TOR1A: variants seen among roughly 807,000 people sequenced by gnomAD.
The protein encoded by TOR1A is torsin family 1 member A, also known as torsin-1A.
Under a neutral mutation model 31.4 loss-of-function variants are expected in TOR1A, and 18 were observed. The ratio of observed to expected loss-of-function variants is 0.57; its 90% CI spans 0.40 to 0.85. The LOEUF (loss-of-function observed/expected upper bound fraction) is 0.85, where lower values mean the gene tolerates loss of function less well. Ranked by LOEUF, TOR1A falls within the 40% of genes least tolerant of loss-of-function variation. The pLI is 0.00. For synonymous variants in TOR1A, 168 were observed against 165.9 expected (o/e 1.01, Z -0.10); for missense variants, 375 against 416.4 (o/e 0.90, Z 0.87).
chr9:129,824,015 A>T lies in TOR1A; in HGVS notation c.71T>A (p.Ile24Asn). The T allele has an allele frequency of 6.2e-7, 1 of 1,610,088 alleles. No individual in the cohort carries two copies. The highest frequency in any genetic ancestry group is 8.5e-7 in the Non-Finnish European group (1 of 1,179,178). Residue 24 changes from isoleucine to asparagine, a missense_variant, in exon 1 of 5, where the codon ATC becomes AAC. Physicochemically the swap from Ile to Asn is moderately radical, Grantham distance 149. Coordinates refer to ENST00000351698, the MANE Select transcript of TOR1A (RefSeq NM_000113.3). ...APSVVQAVEP[I>N]SLGLALAGVL... The stretch of plus-strand genomic sequence containing the variant: ...GCCGGCCAGGGCCAGTCCCAGGCTG[A>T]TGGGCTCCACCGCCTGCACCACGGA...
At chr9:129,822,274 G>A (rs1036517185) in intron 2 of TOR1A, 1 of 399,348 alleles carries the variant, frequency 2.5e-6, no homozygotes, top group Non-Finnish European at 4.7e-6. Flanking sequence ...TCAAAATAAA[G>A]AAAAAAATAA....
At chr9:129,822,500 G>C in intron 2 of TOR1A, 81 bp downstream of exon 2, 1 of 1,577,846 alleles carries the variant, frequency 6.3e-7, no homozygotes, top group Non-Finnish European at 8.7e-7. Flanking sequence ...TTTCAACATA[G>C]AACTCCCAAA....
At chr9:129,814,486 A>T (rs1397755267) in intron 4 of TOR1A, among the ~76,000 whole-genome samples, 2 of 150,016 alleles carry the variant, frequency 1.3e-5, no homozygotes, top group African/African-American at 4.9e-5. Flanking sequence ...ACTGGGTGTC[A>T]TCCACCCTCC....
Position 129,818,825 on chromosome 9 carries a change from T to C in TOR1A, c.540A>G (p.Ile180Met). 6.2e-7 allele frequency: 1 copy of C among 1,613,924 alleles called. No homozygotes were observed. The highest frequency in any genetic ancestry group is 8.5e-7 in the Non-Finnish European group (1 of 1,180,036). The change falls in exon 3 of 5, where the codon ATA becomes ATG. Residue 180 changes from isoleucine (I) to methionine (M), a missense_variant. By Grantham distance (10) the Ile-to-Met change is conservative. Transcript: ENST00000351698. Reference sequence around the variant, plus strand: ...AGTCGAGGAAAGGCTTGATGGCATCTATGAGGCCTGCATGCATCTTATCCA... The same window carrying C: ...AGTCGAGGAAAGGCTTGATGGCATCCATGAGGCCTGCATGCATCTTATCCA... ...DEMDKMHAGL[I>M]DAIKPFLDYY...
Position 129,813,753 on chromosome 9 carries a change from T to C in TOR1A, c.*219A>G. On this transcript the variant is annotated 3_prime_UTR_variant, in exon 5 of 5. Coordinates refer to ENST00000351698, the MANE Select transcript of TOR1A (RefSeq NM_000113.3). ...GCTGGGAGCTGGCTCCTTCCTTCTG[T>C]GCGTGTTCGGGAGGCTTCACGTCCT... 1 of 635,902 alleles carries C rather than the reference T, an allele frequency of 1.6e-6. No individual in the cohort carries two copies. The highest frequency in any genetic ancestry group is 2.8e-6 in the Non-Finnish European group (1 of 361,830). The allele number at this position is 635,902 out of a possible 1,614,324, so 39.4% of individuals were successfully genotyped here. A position where few individuals can be genotyped will look rare whatever the true frequency, so the allele number is the denominator to read the frequency against.
rs764767507 is a variant in TOR1A at position 129,818,931 on chromosome 9, A to AG, written c.445-12dup. ...CAACTGTAACTGATCCTGAATTAAA[A>AG]GGGGAAAAAGCGAACACAAAGTTCT... is the stretch of plus-strand genomic sequence containing the variant. On this transcript the variant is annotated splice_polypyrimidine_tract_variant and intron_variant, in intron 2 of 4. Transcript: ENST00000351698. 3.0e-5 allele frequency: 49 copies of AG among 1,611,074 alleles called. No individual in the cohort carries two copies. In the Admixed American group the frequency reaches 8.2e-4, roughly 27 times the overall value.
chr9:129,814,753 G>A (rs144921328), intron 4 of TOR1A, among the ~76,000 whole-genome samples: 57 of 151,782 alleles, frequency 3.8e-4, no homozygotes, highest in African/African-American at 9.9e-4. Context: ...CACAGAAAGC[G>A]GGAAGCAAGA....
At chr9:129,820,730 G>A (rs1326807918) in intron 2 of TOR1A, among the ~76,000 whole-genome samples, 2 of 151,980 alleles carry the variant, frequency 1.3e-5, no homozygotes, top group East Asian at 3.9e-4. Flanking sequence ...AAGTAGCTGG[G>A]ACTACAGGTG....
intron 4 of TOR1A, among the ~76,000 whole-genome samples, chr9:129,817,838 C>CA (rs760010551): frequency 0.076 from 3,475 of 45,522 alleles, 289 homozygotes; most frequent in African/African-American, 0.15. Flanking sequence ...CAGTCTCTAC[C>CA]AAAAAAAAAA....
At chr9:129,821,190 C>T in intron 2 of TOR1A, among the ~76,000 whole-genome samples, 1 of 152,084 alleles carries the variant, frequency 6.6e-6, no homozygotes, top group African/African-American at 2.4e-5. Context: ...GTAATACCAG[C>T]TACTTGGGAG....
rs563498119 is a variant in TOR1A, at chr9:129,813,670, A to T, written c.*302T>A. ...AAACTTATTCATCCTTCCTTGAAAC[A>T]GAAACACTTGGAATTAAAACATAAT... On this transcript the variant is annotated 3_prime_UTR_variant, in exon 5 of 5. Coordinates refer to ENST00000351698, the MANE Select transcript of TOR1A (RefSeq NM_000113.3). 3 of 480,124 alleles carry T rather than the reference A, an allele frequency of 6.2e-6. No individual in the cohort carries two copies. The East Asian group carries it at 1.2e-4, about 19-fold the overall frequency. 29.7% of individuals were successfully genotyped at this position (480,124 alleles called of 1,614,324 possible). A position where few individuals can be genotyped will look rare whatever the true frequency, so the allele number is the denominator to read the frequency against.
At chr9:129,820,082 A>C (rs1340262932) in intron 2 of TOR1A, among the ~76,000 whole-genome samples, 1 of 152,120 alleles carries the variant, frequency 6.6e-6, no homozygotes, top group Admixed American at 6.6e-5. Flanking sequence ...GGGAACATGC[A>C]CTGAGTGTTC....
In TOR1A at chr9:129,823,944, C is replaced by T; in HGVS notation, c.142G>A (p.Glu48Lys). 6.2e-7 allele frequency: 1 copy of T among 1,610,344 alleles called. No individual in the cohort carries two copies. ...AGGCTCCGCTTCTGCCCGCAGCACT[C>T]GGCGAAGAGGCAGTAGAGACGCGGG... ...IYPRLYCLFA[E>K]CCGQKRSLSR... Residue 48 changes from glutamate to lysine, a missense_variant, in exon 1 of 5, where the codon GAG becomes AAG. Coordinates refer to ENST00000351698, the MANE Select transcript of TOR1A (RefSeq NM_000113.3).
chr9:129,823,921 G>C lies in TOR1A; in HGVS notation c.165C>G (p.Ser55Arg), dbSNP rs1588219169. The change falls in exon 1 of 5, where the codon AGC (serine) becomes AGG (arginine). Residue 55 changes from serine to arginine, a missense_variant. Coordinates refer to ENST00000351698, the MANE Select transcript of TOR1A (RefSeq NM_000113.3). ...LFAECCGQKR[S>R]LSREALQKDL... ...GCCCCAGCCTACCCTCCCGGCTAAGGCTCCGCTTCTGCCCGCAGCACTCGG... is the reference window on the plus strand; with the variant it reads ...GCCCCAGCCTACCCTCCCGGCTAAGCCTCCGCTTCTGCCCGCAGCACTCGG... 2 of 1,600,842 alleles carry C rather than the reference G, an allele frequency of 1.2e-6. No individual in the cohort carries two copies. The highest frequency in any genetic ancestry group is 3.4e-5 in the Admixed American group (2 of 58,796).
chr9:129,817,838 CAAAAAAAAA>C (rs760010551), intron 4 of TOR1A, among the ~76,000 whole-genome samples: 4 of 45,752 alleles, frequency 8.7e-5, no homozygotes, highest in African/African-American at 3.4e-4. Flanking sequence ...CAGTCTCTAC[CAAAAAAAAA>C]AAAAAAAAAA....
Position 129,822,736 on chromosome 9 carries a change from TGA to T in TOR1A, c.287_288del (p.Leu96HisfsTer31). ...CCTGTCCACCCGTGCAGGGAGAGCG[TGA>T]GAGGTTTCTTGGGCTTTGGGTTGTT... ...FINNPKPKKP[L>X]TLSLHGWTGT... On this transcript the variant is annotated frameshift_variant, in exon 2 of 5. Coordinates refer to ENST00000351698, the MANE Select transcript of TOR1A (RefSeq NM_000113.3). LOFTEE classifies it high-confidence loss of function. 6.2e-7 allele frequency: 1 copy of T among 1,614,186 alleles called. No homozygotes were observed. The highest frequency in any genetic ancestry group is 8.5e-7 in the Non-Finnish European group (1 of 1,180,026).
intron 2 of TOR1A, among the ~76,000 whole-genome samples, chr9:129,819,491 C>T (rs554796514): frequency 1.3e-5 from 2 of 151,854 alleles, no homozygotes; most frequent in Admixed American, 1.3e-4. Context: ...CATGGTGGTT[C>T]ATGCCTGTAA....
At chr9:129,823,369 C>T in intron 1 of TOR1A, 1 of 282,064 alleles carries the variant, frequency 3.5e-6, no homozygotes, top group Non-Finnish European at 6.9e-6. Flanking sequence ...GGCCGAGGAG[C>T]CAGGCCTCAT....
chr9:129,815,397 C>T (rs1406834989), intron 4 of TOR1A, among the ~76,000 whole-genome samples: 4 of 152,266 alleles, frequency 2.6e-5, no homozygotes, highest in African/African-American at 4.8e-5. Context: ...CGCCCTGGGC[C>T]TGGGGACACA....
Sources: gnomAD v4.1 joint callset for allele counts (sites outside exome capture counted in the v4.1 genomes callset) on GRCh38, gnomAD v4.1.1 for gene constraint, MANE v1.5 for transcripts, NCBI Gene and HGNC (gene_info 2026-07-23, HGNC 2026-07-21) for gene names.